Variants in BNC2 observed in about 807,000 individuals in gnomAD.
BNC2 encodes the protein basonuclin zinc finger protein 2.
A neutral mutation model predicts 76.3 loss-of-function variants in BNC2; 20 were observed. The observed-to-expected ratio is 0.26, with a 90% CI of 0.18 to 0.38. BNC2 has a LOEUF of 0.38. Among genes scored for constraint, BNC2 ranks in the 10% least tolerant of loss-of-function variants. The pLI is 1.00. For missense variants in BNC2, 1,382 were observed against 1,399.8 expected, an observed-to-expected ratio of 0.99 and a Z score of 0.20; for synonymous variants, 582 against 514.8, an observed-to-expected ratio of 1.13 and a Z score of -1.77.
intron 1 of BNC2, among the ~76,000 whole-genome samples, chr9:16,777,625 C>T (rs1378331424): frequency 6.8e-6 from 1 of 146,842 alleles, no homozygotes; most frequent in Non-Finnish European, 1.5e-5. Flanking sequence ...GACGTGAACC[C>T]GGGAGGCGGA....
chr9:16,591,535 T>G (rs1819928794), intron 3 of BNC2, among the ~76,000 whole-genome samples: 1 of 152,328 alleles, frequency 6.6e-6, no homozygotes, highest in South Asian at 2.1e-4. Context: ...GTATGTTTTC[T>G]CCATTTATAC....
At chr9:16,653,231 A>C (rs1046523425) in intron 3 of BNC2, among the ~76,000 whole-genome samples, 1 of 152,162 alleles carries the variant, frequency 6.6e-6, no homozygotes, top group African/African-American at 2.4e-5. Flanking sequence ...ATAACTGCAG[A>C]TCAATTAAGT....
rs1010617431 is a variant in BNC2 at position 16,552,619 on chromosome 9, A to T, written c.580T>A (p.Phe194Ile). The T allele has an allele frequency of 1.2e-6, 2 of 1,614,116 alleles. No individual in the cohort carries two copies. The highest frequency in any genetic ancestry group is 2.7e-5 in the African/African-American group (2 of 74,940). ...VRLKILLDRL[F>I]SVLKQEEVLH... ...ACCTCCTCTTGCTTCAGGACGCTGA[A>T]GAGACGGTCCAGCAGGATCTTTAGC... Residue 194 changes from phenylalanine to isoleucine, a missense_variant, in exon 5 of 7, where the codon TTC becomes ATC. Physicochemically the swap from Phe to Ile is conservative, Grantham distance 21. Transcript: ENST00000380672.
Position 16,417,696 on chromosome 9 carries a change from A to G in BNC2, c.*1293T>C, listed in dbSNP as rs1251838162. 2 of 152,200 alleles carry G rather than the reference A, an allele frequency of 1.3e-5. No homozygotes were observed. Among genetic ancestry groups the G allele is most frequent in the African/African-American group, 4.8e-5 (2 of 41,286 alleles). 9.4% of individuals were successfully genotyped at this position (152,200 alleles called of 1,614,324 possible). A position where few individuals can be genotyped will look rare whatever the true frequency, so the allele number is the denominator to read the frequency against. ...TTAGGGCCTTGGAAATGAGTGTTCG[A>G]CTCTTTTACTGTATTCATCTTTGTT... On this transcript the variant is annotated 3_prime_UTR_variant, in exon 7 of 7. Coordinates refer to ENST00000380672, the MANE Select transcript of BNC2 (RefSeq NM_017637.6).
At chr9:16,630,534 T>C (rs1347506462) in intron 3 of BNC2, among the ~76,000 whole-genome samples, 1 of 152,248 alleles carries the variant, frequency 6.6e-6, no homozygotes, top group Non-Finnish European at 1.5e-5. Context: ...TGGAAGGAAC[T>C]ATTGGCGATG....
intron 6 of BNC2, among the ~76,000 whole-genome samples, chr9:16,425,024 G>A (rs1820777756): frequency 6.6e-6 from 1 of 152,096 alleles, no homozygotes. Context: ...CCCTAGCTCA[G>A]GAAGAAAATT....
At chr9:16,805,713 G>GCACA (rs57325819) in intron 1 of BNC2, among the ~76,000 whole-genome samples, 28,020 of 149,054 alleles carry the variant, frequency 0.19, 3,693 homozygotes, top group East Asian at 0.5. Flanking sequence ...TTGCATACAT[G>GCACA]CACACACACA....
At chr9:16,817,013 G>T (rs1405717314) in intron 1 of BNC2, among the ~76,000 whole-genome samples, 1 of 152,216 alleles carries the variant, frequency 6.6e-6, no homozygotes, top group African/African-American at 2.4e-5. Flanking sequence ...AAAGTGGAGA[G>T]GGTGAAGAGG....
At position 16,592,794 on chromosome 9, in the gene BNC2, G is replaced by A. The variant is rs191173434; in HGVS notation, c.331-9709C>T. 1.8e-3 allele frequency among the ~76,000 whole-genome samples: 267 copies of A among 152,214 alleles called. 2 individuals carry two copies. Among genetic ancestry groups the A allele is most frequent in the Admixed American group, 3.9e-3 (59 of 15,284 alleles). On this transcript the variant is annotated intron_variant, in intron 3 of 6. Coordinates refer to ENST00000380672, the MANE Select transcript of BNC2 (RefSeq NM_017637.6). ...GATATCATTCCCCAGGAGACATAATGCAGCACATCTTTTGCCCAGTAGGTC... is the reference window on the plus strand; with the variant it reads ...GATATCATTCCCCAGGAGACATAATACAGCACATCTTTTGCCCAGTAGGTC...
At chr9:16,853,944 C>G (rs116620032) in intron 1 of BNC2, among the ~76,000 whole-genome samples, 2 of 152,178 alleles carry the variant, frequency 1.3e-5, no homozygotes, top group East Asian at 3.8e-4. Context: ...ACATTACATG[C>G]TTGTACTATG....
intron 3 of BNC2, among the ~76,000 whole-genome samples, chr9:16,595,408 T>C (rs1258053981): frequency 6.6e-6 from 1 of 152,130 alleles, no homozygotes; most frequent in Non-Finnish European, 1.5e-5. Flanking sequence ...TGTTAGGTCA[T>C]AGATTCCCCA....
chr9:16,513,882 G>A (rs1393273668), intron 5 of BNC2, among the ~76,000 whole-genome samples: 1 of 152,120 alleles, frequency 6.6e-6, no homozygotes, highest in Admixed American at 6.5e-5. Flanking sequence ...GCAAATTCAT[G>A]GGGTTCAAAA....
chr9:16,762,173 G>A (rs1455934796), intron 1 of BNC2, among the ~76,000 whole-genome samples: 2 of 152,028 alleles, frequency 1.3e-5, no homozygotes, highest in African/African-American at 4.8e-5. Flanking sequence ...ATTTTTTCAT[G>A]GACATCATCA....
intron 1 of BNC2, among the ~76,000 whole-genome samples, chr9:16,869,313 A>T (rs886449526): frequency 6.6e-6 from 1 of 151,826 alleles, no homozygotes; most frequent in African/African-American, 2.4e-5. Flanking sequence ...CAACAGCTTG[A>T]CTCTAGGGTA....
intron 3 of BNC2, among the ~76,000 whole-genome samples, chr9:16,673,448 A>ACG (rs1462082835): frequency 6.6e-6 from 1 of 151,542 alleles, no homozygotes; most frequent in Non-Finnish European, 1.5e-5. Context: ...AAAAAAACAC[A>ACG]CACACACACA....
intron 6 of BNC2, among the ~76,000 whole-genome samples, chr9:16,426,809 C>A (rs1820811519): frequency 6.6e-6 from 1 of 152,216 alleles, no homozygotes; most frequent in East Asian, 1.9e-4. Flanking sequence ...GTCTGAAATG[C>A]AGGATTTTGT....
intron 1 of BNC2, among the ~76,000 whole-genome samples, chr9:16,784,959 T>G (rs550748382): frequency 6.6e-6 from 1 of 152,296 alleles, no homozygotes; most frequent in Middle Eastern, 3.4e-3. Context: ...CATTCAAGTT[T>G]TTAAGCCCGT....
At chr9:16,846,248 T>C (rs1818981620) in intron 1 of BNC2, among the ~76,000 whole-genome samples, 1 of 152,086 alleles carries the variant, frequency 6.6e-6, no homozygotes, top group African/African-American at 2.4e-5. Context: ...TTCAAAGTAA[T>C]ACATTAACTT....
At chr9:16,731,968 T>C (rs1268210562) in intron 2 of BNC2, among the ~76,000 whole-genome samples, 1 of 151,986 alleles carries the variant, frequency 6.6e-6, no homozygotes, top group Non-Finnish European at 1.5e-5. Context: ...TACAAAAAAT[T>C]TGCATTTCAG....
Sources: allele counts gnomAD v4.1 joint callset (sites outside exome capture counted in the v4.1 genomes callset), GRCh38; gene constraint gnomAD v4.1.1; transcripts MANE v1.5; gene names NCBI Gene and HGNC (gene_info 2026-07-23, HGNC 2026-07-21).